CACNA2D3: variants seen among roughly 807,000 people sequenced by gnomAD.
CACNA2D3 encodes voltage-dependent calcium channel subunit alpha-2/delta-3.
In CACNA2D3, 60 loss-of-function variants were observed where a neutral mutation model predicts 160.6. The ratio of observed to expected loss-of-function variants is 0.37; its 90% CI spans 0.30 to 0.46. The LOEUF is 0.46. Among genes scored for constraint, CACNA2D3 ranks in the 20% least tolerant of loss-of-function variants. The pLI, the probability that CACNA2D3 is intolerant of heterozygous loss-of-function variation, is 1.00. For missense variants in CACNA2D3, 1,205 were observed against 1,365.0 expected (o/e 0.88, Z 1.85); for synonymous variants, 558 against 492.9 (o/e 1.13, Z -1.75).
At chr3:54,208,982 G>A (rs1358190211) in intron 2 of CACNA2D3, among the ~76,000 whole-genome samples, 1 of 152,010 alleles carries the variant, frequency 6.6e-6, no homozygotes, top group Non-Finnish European at 1.5e-5. Context: ...AAATGAAAGG[G>A]GTTTCTCCTT....
rs962795725 is a variant in CACNA2D3 at position 55,050,243 on chromosome 3, G to T, written c.2988-23202G>T. 1.7e-4 allele frequency among the ~76,000 whole-genome samples: 26 copies of T among 150,682 alleles called. No individual in the cohort carries two copies. The East Asian group carries it at 1.8e-3, about 10-fold the overall frequency. On this transcript the variant is annotated intron_variant, in intron 35 of 37. Coordinates refer to ENST00000474759, the MANE Select transcript of CACNA2D3 (RefSeq NM_018398.3). Reference sequence around the variant, plus strand: ...GCATGATTTTGCAGCGGCTGGTACCGGTTGTTCCTTTCCATGTTTAGCGCT... The same window carrying T: ...GCATGATTTTGCAGCGGCTGGTACCTGTTGTTCCTTTCCATGTTTAGCGCT...
chr3:54,381,216 T>G (rs1699097650), intron 3 of CACNA2D3, among the ~76,000 whole-genome samples: 2 of 152,236 alleles, frequency 1.3e-5, no homozygotes, highest in Non-Finnish European at 1.5e-5. Context: ...TAAAAATAAC[T>G]TTTTACATTG....
rs1264500018 is a variant in CACNA2D3 at position 54,127,073 on chromosome 3, C to G, written c.204+3479C>G. 9.8e-5 allele frequency among the ~76,000 whole-genome samples: 15 copies of G among 152,302 alleles called. No homozygotes were observed. In the East Asian group the frequency reaches 2.9e-3, roughly 29 times the overall value. ...TAAACTGGCTGATTCTCATTTCATC[C>G]TCCTCAGGGAGAATTGGATAGGAGC... On this transcript the variant is annotated intron_variant, in intron 2 of 37. Transcript: ENST00000474759.
At chr3:54,930,482 A>G (rs1411108954) in intron 27 of CACNA2D3, among the ~76,000 whole-genome samples, 1 of 152,214 alleles carries the variant, frequency 6.6e-6, no homozygotes, top group Non-Finnish European at 1.5e-5. Flanking sequence ...CTGTGTCTAT[A>G]AGGCCCAGCT....
intron 9 of CACNA2D3, among the ~76,000 whole-genome samples, chr3:54,586,478 C>G (rs1485423705): frequency 6.6e-6 from 1 of 152,102 alleles, no homozygotes; most frequent in Non-Finnish European, 1.5e-5. Flanking sequence ...AAAAACATTA[C>G]AATCCTAAGT....
chr3:54,184,920 G>T (rs1421071106), intron 2 of CACNA2D3, among the ~76,000 whole-genome samples: 1 of 152,208 alleles, frequency 6.6e-6, no homozygotes, highest in Non-Finnish European at 1.5e-5. Flanking sequence ...TGACTTCTTA[G>T]TGACCAGGGA....
At chr3:54,989,593 T>A (rs188070229) in intron 31 of CACNA2D3, among the ~76,000 whole-genome samples, 1 of 152,300 alleles carries the variant, frequency 6.6e-6, no homozygotes, top group East Asian at 1.9e-4. Flanking sequence ...TTTAGTCAGA[T>A]TACCTCTCCA....
chr3:54,821,622 C>T lies in CACNA2D3; in HGVS notation c.1398+4752C>T, dbSNP rs963506014. Among the ~76,000 whole-genome samples, 8 of 151,420 alleles carry T rather than the reference C, an allele frequency of 5.3e-5. No homozygotes were observed. The South Asian group carries it at 1.5e-3, about 28-fold the overall frequency. ...TTTTGGAGGAATAAATGGAAGCCTT[C>T]GTTTTTCTAGAGTCTTTCGTTCTTT... On this transcript the variant is annotated intron_variant, in intron 14 of 37. Transcript: ENST00000474759.
intron 13 of CACNA2D3, among the ~76,000 whole-genome samples, chr3:54,803,735 C>T (rs1232229408): frequency 6.6e-6 from 1 of 152,124 alleles, no homozygotes; most frequent in Non-Finnish European, 1.5e-5. Context: ...AGAAGAGCAA[C>T]TCCAAGACAC....
chr3:54,269,478 G>T (rs1246402273), intron 2 of CACNA2D3, among the ~76,000 whole-genome samples: 1 of 152,172 alleles, frequency 6.6e-6, no homozygotes, highest in Non-Finnish European at 1.5e-5. Context: ...AGGAGCTGGG[G>T]ATGCAAAGCT....
intron 4 of CACNA2D3, among the ~76,000 whole-genome samples, chr3:54,425,721 G>A (rs1699903012): frequency 6.6e-6 from 1 of 152,210 alleles, no homozygotes; most frequent in African/African-American, 2.4e-5. Flanking sequence ...TTGTGTCAGT[G>A]AACCAGCACT....
Position 54,570,060 on chromosome 3 carries a change from A to G in CACNA2D3, c.844A>G (p.Ile282Val), listed in dbSNP as rs1327040700. The G allele has an allele frequency of 2.5e-6, 4 of 1,613,994 alleles. No individual in the cohort carries two copies. Among genetic ancestry groups the G allele is most frequent in the Non-Finnish European group, 2.5e-6 (3 of 1,179,860 alleles). ...TATCGCGAAGCAAACAGTCTCATCC[A>G]TTTTGGATACACTTGGGGATGATGA... ...LTIAKQTVSS[I>V]LDTLGDDDFF... The change falls in exon 8 of 38, where the codon ATT becomes GTT. Residue 282 changes from isoleucine (I) to valine (V), a missense_variant. Coordinates refer to ENST00000474759, the MANE Select transcript of CACNA2D3 (RefSeq NM_018398.3).
chr3:54,660,146 T>A (rs193111529), intron 11 of CACNA2D3, among the ~76,000 whole-genome samples: 1 of 151,552 alleles, frequency 6.6e-6, no homozygotes, highest in Non-Finnish European at 1.5e-5. Context: ...TTGGTTTCTT[T>A]TTTTTTTTTT....
chr3:54,949,734 A>G (rs1701708224), intron 27 of CACNA2D3, among the ~76,000 whole-genome samples: 1 of 152,224 alleles, frequency 6.6e-6, no homozygotes, highest in African/African-American at 2.4e-5. Context: ...TTGCAGGGGC[A>G]CACTCCACAG....
intron 11 of CACNA2D3, among the ~76,000 whole-genome samples, chr3:54,650,245 C>G (rs1477698235): frequency 6.6e-6 from 1 of 151,920 alleles, no homozygotes; most frequent in Non-Finnish European, 1.5e-5. Context: ...GTCACCCAGG[C>G]TGGAGTGCAG....
chr3:54,266,627 T>C (rs1193987410), intron 2 of CACNA2D3, among the ~76,000 whole-genome samples: 1 of 152,148 alleles, frequency 6.6e-6, no homozygotes, highest in Non-Finnish European at 1.5e-5. Flanking sequence ...AGCGGGTGAC[T>C]AGATGAATGA....
chr3:54,421,224 T>C (rs1699832130), intron 4 of CACNA2D3, among the ~76,000 whole-genome samples: 1 of 152,252 alleles, frequency 6.6e-6, no homozygotes. Flanking sequence ...CCTTGTGTGC[T>C]TCTTACTGTA....
intron 8 of CACNA2D3, among the ~76,000 whole-genome samples, chr3:54,576,121 C>T (rs538935414): frequency 6.6e-6 from 1 of 152,292 alleles, no homozygotes; most frequent in East Asian, 1.9e-4. Flanking sequence ...CGAAGCCGGT[C>T]CCTGCTTAGA....
At chr3:54,768,749 A>G (rs747240953) in intron 13 of CACNA2D3, among the ~76,000 whole-genome samples, 1 of 152,186 alleles carries the variant, frequency 6.6e-6, no homozygotes, top group Non-Finnish European at 1.5e-5. Context: ...CATTTATTCT[A>G]CTTCTTAAAG....
Sources: gnomAD v4.1 joint callset for allele counts (sites outside exome capture counted in the v4.1 genomes callset) on GRCh38, gnomAD v4.1.1 for gene constraint, MANE v1.5 for transcripts, NCBI Gene and HGNC (gene_info 2026-07-23, HGNC 2026-07-21) for gene names.